UBE2H: variants seen among roughly 807,000 people sequenced by gnomAD.
UBE2H encodes the protein ubiquitin conjugating enzyme E2 H.
UBE2H carries 3 observed loss-of-function variants against 29.0 expected under a neutral mutation model. The observed-to-expected ratio is 0.10, with a 90% CI of 0.05 to 0.27. UBE2H has a LOEUF of 0.27. Ranked by LOEUF, UBE2H falls within the 10% of genes least tolerant of loss-of-function variation. The probability of loss-of-function intolerance (pLI) is 1.00; values close to 1 mark genes in which losing one functional copy is unlikely to be tolerated. For synonymous variants in UBE2H, 69 were observed against 82.9 expected, an observed-to-expected ratio of 0.83 and a Z score of 0.91; for missense variants, 68 against 228.2, an observed-to-expected ratio of 0.30 and a Z score of 4.52.
chr7:129,839,713 G>T (rs538808858), intron 5 of UBE2H: 218 of 244,426 alleles, frequency 8.9e-4, no homozygotes, highest in Non-Finnish European at 9.5e-4. Context: ...GGGTTTTTTT[G>T]TTTGTTTTTT....
intron 2 of UBE2H, among the ~76,000 whole-genome samples, chr7:129,880,015 G>A (rs745719085): frequency 3.3e-5 from 5 of 151,748 alleles, no homozygotes; most frequent in Non-Finnish European, 7.4e-5. Flanking sequence ...AACCATTCAC[G>A]TGGCCATCCA....
At chr7:129,872,845 CAAAAAAAAAAAAAAAA>C (rs34001143) in intron 3 of UBE2H, among the ~76,000 whole-genome samples, 2 of 72,006 alleles carry the variant, frequency 2.8e-5, no homozygotes, top group East Asian at 5.3e-4. Context: ...CACTCCGTCT[CAAAAAAAAAAAAAAAA>C]AAAAAAAAAA....
chr7:129,928,951 C>A (rs1807329530), intron 1 of UBE2H, among the ~76,000 whole-genome samples: 1 of 152,142 alleles, frequency 6.6e-6, no homozygotes, highest in Non-Finnish European at 1.5e-5. Flanking sequence ...ATAAAGATAA[C>A]TGCTTTATGA....
intron 1 of UBE2H, among the ~76,000 whole-genome samples, chr7:129,949,878 G>GC (rs1563056475): frequency 2.6e-5 from 4 of 152,178 alleles, no homozygotes; most frequent in African/African-American, 9.6e-5. Context: ...ACCAGCTATC[G>GC]CCCCCCACAC....
chr7:129,852,677 C>T (rs1291182347), intron 5 of UBE2H, among the ~76,000 whole-genome samples: 6 of 152,058 alleles, frequency 3.9e-5, no homozygotes, highest in Non-Finnish European at 8.8e-5. Flanking sequence ...TGTAAACTGC[C>T]CAATTTCATA....
chr7:129,946,219 A>AT (rs745714036), intron 1 of UBE2H, among the ~76,000 whole-genome samples: 175 of 137,722 alleles, frequency 1.3e-3, no homozygotes, highest in Middle Eastern at 7.6e-3. Flanking sequence ...CGCCCGGCTA[A>AT]TTTTTTTTTT....
intron 3 of UBE2H, among the ~76,000 whole-genome samples, chr7:129,864,245 A>G (rs1023883011): frequency 6.6e-6 from 1 of 152,212 alleles, no homozygotes; most frequent in Non-Finnish European, 1.5e-5. Flanking sequence ...CTCCTGGACA[A>G]GGAGGGGGGA....
intron 3 of UBE2H, among the ~76,000 whole-genome samples, chr7:129,866,064 T>G: frequency 6.6e-6 from 1 of 152,158 alleles, no homozygotes; most frequent in East Asian, 1.9e-4. Flanking sequence ...AGGCAGCCTG[T>G]GCCCGGGTAG....
chr7:129,929,188 A>AT (rs1807336245), intron 1 of UBE2H, among the ~76,000 whole-genome samples: 1 of 152,178 alleles, frequency 6.6e-6, no homozygotes, highest in South Asian at 2.1e-4. Flanking sequence ...GTGGTGGCAC[A>AT]TGCCGGTAAT....
At position 129,855,619 on chromosome 7, in the gene UBE2H, C is replaced by G. The variant is rs541295380; in HGVS notation, c.298+1892G>C. ...CCAGGCACTGTTACAGTCACGTGTGCGTGTGCGTGTGTATAGAGAGAGAGA... is the reference window on the plus strand; with the variant it reads ...CCAGGCACTGTTACAGTCACGTGTGGGTGTGCGTGTGTATAGAGAGAGAGA... On this transcript the variant is annotated intron_variant, in intron 5 of 6. Transcript: ENST00000355621. 8.3e-4 allele frequency among the ~76,000 whole-genome samples: 124 copies of G among 149,850 alleles called. 1 individual carries two copies. The highest frequency in any genetic ancestry group is 3.4e-3 in the Middle Eastern group (1 of 294).
chr7:129,868,849 G>A (rs1333552763), intron 3 of UBE2H, among the ~76,000 whole-genome samples: 3 of 151,658 alleles, frequency 2.0e-5, no homozygotes, highest in Non-Finnish European at 2.9e-5. Context: ...ACCTGGCTTG[G>A]CCCCCAAGTT....
chr7:129,835,537 C>G (rs958483262), intron 6 of UBE2H, among the ~76,000 whole-genome samples: 1 of 152,148 alleles, frequency 6.6e-6, no homozygotes, highest in Non-Finnish European at 1.5e-5. Context: ...CAGATCCTGC[C>G]TGTCAGGTTT....
intron 3 of UBE2H, chr7:129,864,910 T>A (rs1005881524): frequency 4.3e-6 from 1 of 232,498 alleles, no homozygotes; most frequent in African/African-American, 2.3e-5. Context: ...AAATCAGAAC[T>A]CCTTAAGTTT....
intron 3 of UBE2H, among the ~76,000 whole-genome samples, chr7:129,860,344 AT>A (rs972935631): frequency 3.9e-5 from 6 of 152,232 alleles, no homozygotes; most frequent in East Asian, 1.9e-4. Flanking sequence ...ATGAAAAAAA[AT>A]CTTTGTGTCC....
chr7:129,904,784 A>C (rs1806783111), intron 1 of UBE2H, among the ~76,000 whole-genome samples: 1 of 152,170 alleles, frequency 6.6e-6, no homozygotes, highest in Non-Finnish European at 1.5e-5. Flanking sequence ...CTCCAAGTTT[A>C]GTGGGGAAAT....
intron 1 of UBE2H, among the ~76,000 whole-genome samples, chr7:129,884,660 A>G (rs747538212): frequency 1.8e-4 from 27 of 150,464 alleles, no homozygotes; most frequent in Non-Finnish European, 2.9e-4. Flanking sequence ...TAGCATGATC[A>G]CGGCTCACTG....
chr7:129,836,219 G>A (rs1180260801), intron 6 of UBE2H, among the ~76,000 whole-genome samples: 1 of 152,056 alleles, frequency 6.6e-6, no homozygotes, highest in East Asian at 1.9e-4. Context: ...ACCTCTAATG[G>A]GTTGACTATT....
At chr7:129,838,044 T>C (rs1805362821) in intron 6 of UBE2H, among the ~76,000 whole-genome samples, 1 of 152,216 alleles carries the variant, frequency 6.6e-6, no homozygotes, top group Non-Finnish European at 1.5e-5. Flanking sequence ...GTGATTCCTA[T>C]GTCAAAATTT....
chr7:129,906,126 G>C (rs1341064268), intron 1 of UBE2H, among the ~76,000 whole-genome samples: 1 of 151,928 alleles, frequency 6.6e-6, no homozygotes, highest in East Asian at 1.9e-4. Flanking sequence ...GGCAATAATA[G>C]ATGAAATCAC....
Sources: gnomAD v4.1 joint callset for allele counts (sites outside exome capture counted in the v4.1 genomes callset) on GRCh38, gnomAD v4.1.1 for gene constraint, MANE v1.5 for transcripts, NCBI Gene and HGNC (gene_info 2026-07-23, HGNC 2026-07-21) for gene names.